PTPN14: variants seen among roughly 807,000 people sequenced by gnomAD.
PTPN14 encodes protein tyrosine phosphatase non-receptor type 14.
A neutral mutation model predicts 126.8 loss-of-function variants in PTPN14; 53 were observed. The observed-to-expected ratio is 0.42, with a 90% confidence interval of 0.34 to 0.53. PTPN14 has a LOEUF of 0.53. Among genes scored for constraint, PTPN14 ranks in the 20% least tolerant of loss-of-function variants. PTPN14 has a pLI of 0.08. For synonymous variants in PTPN14, 630 were observed against 599.3 expected (o/e 1.05, Z -0.75); for missense variants, 1,257 against 1,552.9 (o/e 0.81, Z 3.20).
intron 3 of PTPN14, among the ~76,000 whole-genome samples, chr1:214,418,286 A>G (rs1359076056): frequency 6.6e-6 from 1 of 152,242 alleles, no homozygotes; most frequent in Non-Finnish European, 1.5e-5. Flanking sequence ...TCAGGTGGGC[A>G]GCAAATAAAC....
At chr1:214,443,501 C>A (rs1350634099) in intron 3 of PTPN14, among the ~76,000 whole-genome samples, 1 of 151,988 alleles carries the variant, frequency 6.6e-6, no homozygotes, top group African/African-American at 2.4e-5. Flanking sequence ...TTTGATCACA[C>A]CCATAACAGT....
At chr1:214,503,045 G>A (rs984875015) in intron 1 of PTPN14, among the ~76,000 whole-genome samples, 2 of 152,084 alleles carry the variant, frequency 1.3e-5, no homozygotes, top group Non-Finnish European at 2.9e-5. Flanking sequence ...AAAAGGATAA[G>A]ATCCAATTAA....
chr1:214,361,558 C>T (rs1465855326), intron 18 of PTPN14, among the ~76,000 whole-genome samples: 1 of 152,198 alleles, frequency 6.6e-6, no homozygotes, highest in Non-Finnish European at 1.5e-5. Context: ...TTGACAATTG[C>T]TCAATCTTGT....
intron 15 of PTPN14, 100 bp from the exon 16 acceptor site, chr1:214,372,939 A>AT: frequency 6.7e-7 from 1 of 1,500,250 alleles, no homozygotes. Context: ...CCTTGGATAT[A>AT]TTTTTGGGGC....
chr1:214,405,690 GAATAA>G (rs1341008362), intron 5 of PTPN14, among the ~76,000 whole-genome samples: 101 of 151,098 alleles, frequency 6.7e-4, no homozygotes, highest in African/African-American at 2.4e-3. Flanking sequence ...CATAGAGACA[GAATAA>G]TAGTGCTAAT....
chr1:214,453,350 G>A (rs1463683350), intron 2 of PTPN14, among the ~76,000 whole-genome samples: 2 of 152,206 alleles, frequency 1.3e-5, no homozygotes, highest in African/African-American at 4.8e-5. Context: ...GAAATGAAAT[G>A]TGGCTGAATA....
intron 3 of PTPN14, among the ~76,000 whole-genome samples, chr1:214,447,117 A>AT (rs1660161205): frequency 6.6e-6 from 1 of 152,210 alleles, no homozygotes; most frequent in Admixed American, 6.5e-5. Flanking sequence ...GGTAACTGGG[A>AT]TAACAGCGGA....
intron 10 of PTPN14, 134 bp from the exon 11 acceptor site, chr1:214,391,179 T>A (rs1293102622): frequency 5.9e-6 from 3 of 505,278 alleles, no homozygotes; most frequent in Non-Finnish European, 9.8e-6. Flanking sequence ...GGCTTATTTC[T>A]GGGTGGTAAC....
chr1:214,523,507 C>T (rs1288465232), intron 1 of PTPN14, among the ~76,000 whole-genome samples: 1 of 152,176 alleles, frequency 6.6e-6, no homozygotes, highest in African/African-American at 2.4e-5. Context: ...ATAGGCTACA[C>T]CATCTAGCCT....
intron 13 of PTPN14, among the ~76,000 whole-genome samples, chr1:214,380,309 A>AG (rs1658443253): frequency 1.3e-5 from 2 of 152,174 alleles, no homozygotes; most frequent in Non-Finnish European, 2.9e-5. Context: ...TAAGACAAAA[A>AG]GTAATTAACT....
intron 11 of PTPN14, among the ~76,000 whole-genome samples, chr1:214,388,923 T>TA (rs560738393): frequency 6.2e-4 from 92 of 148,246 alleles, no homozygotes; most frequent in African/African-American, 1.6e-3. Flanking sequence ...AAAGGGGTAA[T>TA]AAAAAAAAAG....
chr1:214,428,569 C>T (rs1244295763), intron 3 of PTPN14, among the ~76,000 whole-genome samples: 1 of 152,240 alleles, frequency 6.6e-6, no homozygotes, highest in East Asian at 1.9e-4. Flanking sequence ...AATCCTCTGC[C>T]TATTTTTGTA....
Position 214,401,170 on chromosome 1 carries a change from T to C in PTPN14, c.669+515A>G, listed in dbSNP as rs542667331. Reference sequence around the variant, plus strand: ...CAAAGGATGTGATGTGCTATAGCAGTTTCCGAGGCATAGCTTCCATAAAAC... The same window carrying C: ...CAAAGGATGTGATGTGCTATAGCAGCTTCCGAGGCATAGCTTCCATAAAAC... On this transcript the variant is annotated intron_variant, in intron 7 of 18. Transcript: ENST00000366956. Among the ~76,000 whole-genome samples, 6 of 152,242 alleles carry C rather than the reference T, an allele frequency of 3.9e-5. No homozygotes were observed. In the South Asian group the frequency reaches 1.0e-3, roughly 26 times the overall value.
intron 3 of PTPN14, among the ~76,000 whole-genome samples, chr1:214,434,831 G>A (rs765963374): frequency 7.2e-5 from 11 of 152,158 alleles, no homozygotes; most frequent in Admixed American, 5.2e-4. Context: ...TGGAGGATGT[G>A]GCACAGGATG....
At chr1:214,417,547 C>A (rs1273320328) in intron 3 of PTPN14, among the ~76,000 whole-genome samples, 1 of 152,146 alleles carries the variant, frequency 6.6e-6, no homozygotes, top group Non-Finnish European at 1.5e-5. Flanking sequence ...GACAGAGTAT[C>A]AAAGGATCCC....
chr1:214,471,050 A>AC (rs1461870960), intron 1 of PTPN14, among the ~76,000 whole-genome samples: 1 of 150,502 alleles, frequency 6.6e-6, no homozygotes, highest in Non-Finnish European at 1.5e-5. Flanking sequence ...CAAAACAAAA[A>AC]AACAACTACA....
chr1:214,431,304 T>C (rs1277977313), intron 3 of PTPN14, among the ~76,000 whole-genome samples: 1 of 152,232 alleles, frequency 6.6e-6, no homozygotes, highest in African/African-American at 2.4e-5. Flanking sequence ...AGTTGGTATG[T>C]ACACCACATT....
intron 6 of PTPN14, among the ~76,000 whole-genome samples, chr1:214,402,565 A>G (rs1024207276): frequency 3.4e-5 from 5 of 145,998 alleles, no homozygotes; most frequent in African/African-American, 1.3e-4. Flanking sequence ...CCTGCCTACC[A>G]CCCAACACAG....
rs1402194816 is a variant in PTPN14 at position 214,369,616 on chromosome 1, A to C, written c.3112T>G (p.Phe1038Val). 6.2e-7 allele frequency: 1 copy of C among 1,614,094 alleles called. No individual in the cohort carries two copies. The highest frequency in any genetic ancestry group is 8.5e-7 in the Non-Finnish European group (1 of 1,180,018). Residue 1038 changes from phenylalanine to valine, a missense_variant, in exon 17 of 19, where the codon TTC becomes GTC. Transcript: ENST00000366956. The part of the protein sequence containing the change: ...SKHSSATYGK[F>V]KVTTKFRTDS... ...GTTCGAAACTTCGTGGTGACCTTGA[A>C]CTTGCCATAGGTGGCTGAGCTGTGC...
Sources: gnomAD v4.1 joint callset for allele counts (sites outside exome capture counted in the v4.1 genomes callset) on GRCh38, gnomAD v4.1.1 for gene constraint, MANE v1.5 for transcripts, NCBI Gene and HGNC (gene_info 2026-07-23, HGNC 2026-07-21) for gene names.